Variants in KCTD16 observed in about 807,000 individuals in gnomAD.
KCTD16 encodes the protein potassium channel tetramerization domain containing 16.
Under a neutral mutation model 33.2 loss-of-function variants are expected in KCTD16, and 13 were observed. The observed-to-expected ratio is 0.39, with a 90% CI of 0.25 to 0.62. The LOEUF is 0.62. Among genes scored for constraint, KCTD16 ranks in the 20% least tolerant of loss-of-function variants. The pLI is 0.50. For synonymous variants in KCTD16, 197 were observed against 195.3 expected, an observed-to-expected ratio of 1.01 and a Z score of -0.07; for missense variants, 441 against 525.1, an observed-to-expected ratio of 0.84 and a Z score of 1.57.
In KCTD16 at chr5:144,322,740, A is replaced by C. The variant is rs79841989; in HGVS notation, c.832+115194A>C. 2.6e-5 allele frequency among the ~76,000 whole-genome samples: 4 copies of C among 152,092 alleles called. No individual in the cohort carries two copies. The East Asian group carries it at 7.7e-4, about 29-fold the overall frequency. ...CATAAACTTTATTAAAAAAAAAAAA[A>C]ACAAAAACTTCTGAACTCATGAGCT... On this transcript the variant is annotated intron_variant, in intron 3 of 3. Coordinates refer to ENST00000512467, the MANE Select transcript of KCTD16 (RefSeq NM_020768.4).
chr5:144,219,639 G>A (rs1001562256), intron 3 of KCTD16, among the ~76,000 whole-genome samples: 4 of 149,202 alleles, frequency 2.7e-5, no homozygotes, highest in East Asian at 2.0e-4. Flanking sequence ...TTCTGCCTCA[G>A]CCTCCTGAGT....
intron 3 of KCTD16, among the ~76,000 whole-genome samples, chr5:144,436,243 G>T (rs1753572881): frequency 6.6e-6 from 1 of 152,168 alleles, no homozygotes; most frequent in Non-Finnish European, 1.5e-5. Flanking sequence ...TGGCATAGTG[G>T]CAGATGGGAT....
chr5:144,339,370 A>G (rs962534787), intron 3 of KCTD16, among the ~76,000 whole-genome samples: 2 of 152,152 alleles, frequency 1.3e-5, no homozygotes, highest in African/African-American at 4.8e-5. Context: ...TTGTACAACT[A>G]TTATTCGATC....
At chr5:144,414,521 A>G (rs151064573) in intron 3 of KCTD16, among the ~76,000 whole-genome samples, 23 of 152,340 alleles carry the variant, frequency 1.5e-4, no homozygotes, top group African/African-American at 4.8e-4. Flanking sequence ...ATGTCTTCTT[A>G]GTCACTGAAT....
intron 3 of KCTD16, among the ~76,000 whole-genome samples, chr5:144,383,727 G>A (rs950243057): frequency 1.2e-4 from 18 of 151,850 alleles, no homozygotes; most frequent in Middle Eastern, 3.4e-3. Flanking sequence ...TTATAGAGAC[G>A]AATGAGAGTC....
At chr5:144,247,246 CTG>C (rs1303332022) in intron 3 of KCTD16, among the ~76,000 whole-genome samples, 5 of 152,306 alleles carry the variant, frequency 3.3e-5, no homozygotes, top group African/African-American at 1.2e-4. Flanking sequence ...ACTTCCAAGA[CTG>C]GGTAATGAAA....
intron 3 of KCTD16, among the ~76,000 whole-genome samples, chr5:144,341,292 G>C (rs1752634911): frequency 6.6e-6 from 1 of 152,156 alleles, no homozygotes; most frequent in Admixed American, 6.5e-5. Flanking sequence ...TCTGGATGGG[G>C]TGGTAGAAGG....
In KCTD16 at chr5:144,206,563, T is replaced by G. The variant is rs1345752425; in HGVS notation, c.-152T>G. On this transcript the variant is annotated 5_prime_UTR_variant, in exon 3 of 4. In the 5' UTR this introduces an upstream ATG that the reference lacks. Coordinates refer to ENST00000512467, the MANE Select transcript of KCTD16 (RefSeq NM_020768.4). ...CCTGTGGACTCTTATACATTTTGATTTCTTGGGGGAAAAATACTGGGATAA... is the reference window on the plus strand; with the variant it reads ...CCTGTGGACTCTTATACATTTTGATGTCTTGGGGGAAAAATACTGGGATAA... The G allele has an allele frequency of 1.5e-6, 1 of 674,448 alleles. No individual in the cohort carries two copies. The highest frequency in any genetic ancestry group is 2.5e-6 in the Non-Finnish European group (1 of 399,028). The allele number at this position is 674,448 out of a possible 1,614,324, so 41.8% of individuals were successfully genotyped here.
intron 3 of KCTD16, among the ~76,000 whole-genome samples, chr5:144,308,386 C>G (rs1032486548): frequency 6.6e-6 from 1 of 152,202 alleles, no homozygotes; most frequent in Non-Finnish European, 1.5e-5. Context: ...GCTTTATTTT[C>G]GTTGGCTCAG....
At position 144,465,181 on chromosome 5, in the gene KCTD16, T is replaced by TC. The variant is rs761142287; in HGVS notation, c.833-8471dup. On this transcript the variant is annotated intron_variant, in intron 3 of 3. Coordinates refer to ENST00000512467, the MANE Select transcript of KCTD16 (RefSeq NM_020768.4). ...TCTTATCACATACATAGTCTCTCTC[T>TC]CCCCCCCCTCTCTCTCTCACTCTCT... Among the ~76,000 whole-genome samples, 24 of 99,522 alleles carry TC rather than the reference T, an allele frequency of 2.4e-4. 2 individuals are homozygous for TC. Among genetic ancestry groups the TC allele is most frequent in the South Asian group, 7.2e-4 (2 of 2,792 alleles). 65.3% of individuals were successfully genotyped at this position (99,522 alleles called of 152,430 possible). A position where few individuals can be genotyped will look rare whatever the true frequency, so the allele number is the denominator to read the frequency against.
chr5:144,458,205 C>G (rs1429428703), intron 3 of KCTD16, among the ~76,000 whole-genome samples: 1 of 152,170 alleles, frequency 6.6e-6, no homozygotes, highest in Non-Finnish European at 1.5e-5. Context: ...ACCTCATAGG[C>G]AGGTACTGCT....
chr5:144,194,502 T>G (rs892137791), intron 2 of KCTD16, among the ~76,000 whole-genome samples: 14 of 152,234 alleles, frequency 9.2e-5, no homozygotes, highest in Non-Finnish European at 1.6e-4. Flanking sequence ...CCTGAGCTCT[T>G]GTGGAGCTAA....
chr5:144,305,768 C>T (rs935311098), intron 3 of KCTD16, among the ~76,000 whole-genome samples: 2 of 152,044 alleles, frequency 1.3e-5, no homozygotes, highest in East Asian at 1.9e-4. Context: ...GAGCTGAGAT[C>T]GTGCCACTGC....
intron 3 of KCTD16, among the ~76,000 whole-genome samples, chr5:144,463,959 T>C (rs1754260584): frequency 6.6e-6 from 1 of 152,236 alleles, no homozygotes; most frequent in African/African-American, 2.4e-5. Context: ...TGACGATTTG[T>C]TAGTGGCTAC....
rs753765917 is a variant in KCTD16, at chr5:144,473,967, C to CA, written c.1149dup (p.Ala384SerfsTer3). On this transcript the variant is annotated frameshift_variant, in exon 4 of 4. Coordinates refer to ENST00000512467, the MANE Select transcript of KCTD16 (RefSeq NM_020768.4). LOFTEE classifies it high-confidence loss of function. ...GCTCCAGGGAATCGAACATGAGCAG[C>CA]AAAAAAAAAGCTGTTAAAGAAAAGC... is the stretch of plus-strand genomic sequence containing the variant. 1.1e-5 allele frequency: 17 copies of CA among 1,600,794 alleles called. No homozygotes were observed. Among genetic ancestry groups the CA allele is most frequent in the African/African-American group, 4.1e-5 (3 of 73,690 alleles).
chr5:144,455,627 A>G (rs1754044771), intron 3 of KCTD16, among the ~76,000 whole-genome samples: 1 of 152,146 alleles, frequency 6.6e-6, no homozygotes, highest in Non-Finnish European at 1.5e-5. Context: ...GGACTGAAGG[A>G]TGGGTTGACT....
At chr5:144,264,276 A>T (rs1755084595) in intron 3 of KCTD16, among the ~76,000 whole-genome samples, 1 of 152,242 alleles carries the variant, frequency 6.6e-6, no homozygotes, top group Non-Finnish European at 1.5e-5. Context: ...AACAGAATAA[A>T]CATGAGAATT....
At chr5:144,450,598 A>G (rs540923888) in intron 3 of KCTD16, among the ~76,000 whole-genome samples, 1 of 152,100 alleles carries the variant, frequency 6.6e-6, no homozygotes, top group Non-Finnish European at 1.5e-5. Context: ...TATACATACA[A>G]TGAAACAATA....
intron 3 of KCTD16, among the ~76,000 whole-genome samples, chr5:144,455,362 G>C (rs1320850127): frequency 6.6e-6 from 1 of 152,070 alleles, no homozygotes; most frequent in Non-Finnish European, 1.5e-5. Context: ...ATATGACGAA[G>C]CGGGGGCACA....
Sources: allele counts gnomAD v4.1 joint callset (sites outside exome capture counted in the v4.1 genomes callset), GRCh38; gene constraint gnomAD v4.1.1; transcripts MANE v1.5; gene names NCBI Gene and HGNC (gene_info 2026-07-23, HGNC 2026-07-21).